ZBED6: variants seen among roughly 807,000 people sequenced by gnomAD.
ZBED6 encodes the protein zinc finger BED-type containing 6.
In ZBED6, 40 loss-of-function variants were observed where a neutral mutation model predicts 58.4. The ratio of observed to expected loss-of-function variants is 0.68; its 90% CI spans 0.53 to 0.89. ZBED6 has a LOEUF of 0.89. Ranked by LOEUF, ZBED6 falls within the 40% of genes least tolerant of loss-of-function variation. The pLI, the probability that ZBED6 is intolerant of heterozygous loss-of-function variation, is 0.00. For synonymous variants in ZBED6, 439 were observed against 350.6 expected (o/e 1.25, Z -2.82); for missense variants, 1,057 against 1,003.9 (o/e 1.05, Z -0.71).
At chr1:203,820,466 T>TTGTGTGTGTG (rs144962991) in intron 3 of ZBED6, among the ~76,000 whole-genome samples, 10 of 136,470 alleles carry the variant, frequency 7.3e-5, no homozygotes, top group South Asian at 2.3e-4. Flanking sequence ...ATATCACAAA[T>TTGTGTGTGTG]TATGTGTGTG....
At chr1:203,805,892 T>C in intron 1 of ZBED6, 2 of 727,954 alleles carry the variant, frequency 2.7e-6, no homozygotes, top group Middle Eastern at 2.5e-4. Flanking sequence ...AAATTCTCAA[T>C]CTGGTCAGTT....
chr1:203,828,670 CATA>C (rs796810734), intron 4 of ZBED6, among the ~76,000 whole-genome samples: 7 of 152,280 alleles, frequency 4.6e-5, no homozygotes, highest in African/African-American at 1.7e-4. Context: ...TTATCAGACC[CATA>C]AACGTTTTCA....
intron 11 of ZBED6, among the ~76,000 whole-genome samples, chr1:203,843,897 G>A (rs1687165550): frequency 6.6e-6 from 1 of 151,192 alleles, no homozygotes; most frequent in Non-Finnish European, 1.5e-5. Flanking sequence ...CGCTCTTGTT[G>A]CCCAGTCTGG....
intron 1 of ZBED6, chr1:203,805,785 TAG>T: frequency 1.4e-6 from 1 of 713,176 alleles, no homozygotes; most frequent in East Asian, 3.4e-5. Flanking sequence ...ACTCTGCTTC[TAG>T]GTTGTCTTCA....
At chr1:203,848,449 A>T in intron 13 of ZBED6, 42 bp downstream of exon 13, 1 of 1,475,634 alleles carries the variant, frequency 6.8e-7, no homozygotes, top group Non-Finnish European at 9.3e-7. Flanking sequence ...ATGGCAAACA[A>T]AGGCTAGATA....
chr1:203,815,472 G>T (rs1676071258), intron 1 of ZBED6, among the ~76,000 whole-genome samples: 1 of 150,504 alleles, frequency 6.6e-6, no homozygotes, highest in Non-Finnish European at 1.5e-5. Flanking sequence ...GCCCACCTTG[G>T]CCTCCCAGAG....
chr1:203,852,031 A>G (rs1689437933), intron 16 of ZBED6, 110 bp from the exon 17 acceptor site: 1 of 640,046 alleles, frequency 1.6e-6, no homozygotes. Flanking sequence ...TTATTTCTTT[A>G]TGTATGTTCT....
chr1:203,838,683 G>C (rs1685119556), intron 10 of ZBED6, among the ~76,000 whole-genome samples: 1 of 152,172 alleles, frequency 6.6e-6, no homozygotes, highest in Admixed American at 6.5e-5. Flanking sequence ...GGGCACGGTA[G>C]GTCATGCCTG....
chr1:203,810,505 C>A (rs1674061266), intron 1 of ZBED6, among the ~76,000 whole-genome samples: 1 of 151,118 alleles, frequency 6.6e-6, no homozygotes, highest in Admixed American at 6.6e-5. Flanking sequence ...CTGCAACCTG[C>A]ACCTCTGGGG....
chr1:203,810,885 C>G lies in ZBED6; in HGVS notation c.*2555-6041C>G, dbSNP rs183603785. ...GACGCTCACGCCTGTAATCCCAGCA[C>G]TTTGAGAGGTTGAGGCGGGCAGATG... On this transcript the variant is annotated intron_variant, in intron 1 of 16. Coordinates refer to ENST00000550078, the Ensembl canonical transcript of ZBED6. 1.5e-3 allele frequency among the ~76,000 whole-genome samples: 224 copies of G among 151,334 alleles called. 2 individuals are homozygous for G. Among genetic ancestry groups the G allele is most frequent in the African/African-American group, 5.0e-3 (208 of 41,206 alleles).
chr1:203,813,658 GA>G (rs1360378689), intron 1 of ZBED6, among the ~76,000 whole-genome samples: 1 of 152,132 alleles, frequency 6.6e-6, no homozygotes, highest in Non-Finnish European at 1.5e-5. Context: ...TTCTGAAGGT[GA>G]GATGTCTAAA....
intron 10 of ZBED6, 144 bp from the exon 11 acceptor site, chr1:203,840,162 G>A: frequency 5.6e-6 from 4 of 716,240 alleles, no homozygotes; most frequent in Non-Finnish European, 9.3e-6. Flanking sequence ...TGGCCTTGAA[G>A]TCCTGACCTC....
chr1:203,804,118 C>T (rs1671366929), intron 1 of ZBED6, among the ~76,000 whole-genome samples: 1 of 146,582 alleles, frequency 6.8e-6, no homozygotes, highest in South Asian at 2.1e-4. Flanking sequence ...TAATGTGGGT[C>T]TTGCATACTT....
At chr1:203,812,248 T>A (rs1410044177) in intron 1 of ZBED6, among the ~76,000 whole-genome samples, 2 of 152,164 alleles carry the variant, frequency 1.3e-5, no homozygotes, top group Non-Finnish European at 2.9e-5. Flanking sequence ...ATCTATTAGT[T>A]GTTTTTCCTG....
intron 1 of ZBED6, among the ~76,000 whole-genome samples, chr1:203,810,205 G>T (rs1332674810): frequency 6.6e-6 from 1 of 151,556 alleles, no homozygotes; most frequent in Non-Finnish European, 1.5e-5. Flanking sequence ...TGAACTCCTG[G>T]TCTCAAGTGA....
At chr1:203,845,328 A>T (rs756795567) in intron 11 of ZBED6, among the ~76,000 whole-genome samples, 10 of 152,188 alleles carry the variant, frequency 6.6e-5, no homozygotes, top group Non-Finnish European at 1.2e-4. Flanking sequence ...ACTTTCTTGG[A>T]GTGGTAATTT....
intron 3 of ZBED6, among the ~76,000 whole-genome samples, chr1:203,822,125 A>G (rs35161192): frequency 0.13 from 19,973 of 152,178 alleles, 1,468 homozygotes; most frequent in Non-Finnish European, 0.15. Flanking sequence ...CAGTTCATCA[A>G]TGCCACAGGA....
At chr1:203,847,281 C>A (rs1300233089) in exon 12 of ZBED6, 12 of 1,613,826 alleles carry the variant, frequency 7.4e-6, no homozygotes, top group South Asian at 1.1e-5. Context: ...AAACTAAACT[C>A]AAGACAGAAG....
intron 11 of ZBED6, among the ~76,000 whole-genome samples, chr1:203,841,186 C>CT (rs1240790847): frequency 1.6e-5 from 2 of 128,594 alleles, no homozygotes; most frequent in Admixed American, 8.3e-5. Flanking sequence ...ATTGATCATT[C>CT]TTGGGTGTTT....
Sources: allele counts gnomAD v4.1 joint callset (sites outside exome capture counted in the v4.1 genomes callset), GRCh38; gene constraint gnomAD v4.1.1; transcripts MANE v1.5; gene names NCBI Gene and HGNC (gene_info 2026-07-23, HGNC 2026-07-21).